The following CADM2 variants were observed in gnomAD, a reference collection of about 807,000 sequenced individuals.
The protein encoded by CADM2 is cell adhesion molecule 2, also known as immunoglobulin superfamily member 4D.
A neutral mutation model predicts 49.8 loss-of-function variants in CADM2; 12 were observed. That is an observed-to-expected ratio of 0.24 (90% CI 0.15 to 0.39). The LOEUF (loss-of-function observed/expected upper bound fraction) is 0.39, where lower values mean the gene tolerates loss of function less well. Among genes scored for constraint, CADM2 ranks in the 10% least tolerant of loss-of-function variants. CADM2 has a pLI of 1.00. For missense variants in CADM2, 378 were observed against 492.3 expected (o/e 0.77, Z 2.20); for synonymous variants, 214 against 175.4 (o/e 1.22, Z -1.74).
At chr3:85,855,580 A>AAAACATATATATAT (rs2075274480) in intron 3 of CADM2, among the ~76,000 whole-genome samples, 1 of 129,564 alleles carries the variant, frequency 7.7e-6, no homozygotes, top group African/African-American at 2.9e-5. Context: ...TATATATATA[A>AAAACATATATATAT]AAAACATATA....
At chr3:85,120,322 C>G (rs2038807561) in intron 1 of CADM2, among the ~76,000 whole-genome samples, 1 of 152,178 alleles carries the variant, frequency 6.6e-6, no homozygotes, top group African/African-American at 2.4e-5. Flanking sequence ...ACCCAGCAAT[C>G]CCACTACTGG....
intron 3 of CADM2, among the ~76,000 whole-genome samples, chr3:85,836,182 GA>G (rs200723252): frequency 4.6e-5 from 7 of 151,138 alleles, no homozygotes; most frequent in East Asian, 2.0e-4. Flanking sequence ...TTCAGGGGAG[GA>G]AAAAAAACCT....
At chr3:85,198,029 T>G (rs1469004794) in intron 1 of CADM2, among the ~76,000 whole-genome samples, 1 of 151,950 alleles carries the variant, frequency 6.6e-6, no homozygotes, top group African/African-American at 2.4e-5. Context: ...TTGCCCTATT[T>G]AGTTACCCAG....
At chr3:85,010,519 A>C (rs528364689) in intron 1 of CADM2, among the ~76,000 whole-genome samples, 149 of 152,318 alleles carry the variant, frequency 9.8e-4, no homozygotes, top group Non-Finnish European at 1.9e-3. Flanking sequence ...TTTGAAGCTG[A>C]AATAAAATAA....
chr3:85,200,015 C>T (rs777827662), intron 1 of CADM2, among the ~76,000 whole-genome samples: 7 of 151,930 alleles, frequency 4.6e-5, no homozygotes, highest in Non-Finnish European at 8.8e-5. Context: ...AGAATGTAGT[C>T]GATGTTACAT....
chr3:85,058,143 T>C (rs748598575), intron 1 of CADM2, among the ~76,000 whole-genome samples: 8 of 152,210 alleles, frequency 5.3e-5, no homozygotes, highest in Non-Finnish European at 1.0e-4. Flanking sequence ...ATGGGAAAAG[T>C]TATTTTACTA....
chr3:85,236,420 A>G (rs1176957220), intron 1 of CADM2, among the ~76,000 whole-genome samples: 1 of 152,064 alleles, frequency 6.6e-6, no homozygotes, highest in Non-Finnish European at 1.5e-5. Context: ...CTTCTTTGCT[A>G]GAGAGTTAAT....
intron 1 of CADM2, among the ~76,000 whole-genome samples, chr3:85,437,059 GT>G (rs35489310): frequency 0.17 from 25,273 of 152,044 alleles, 2,637 homozygotes; most frequent in Non-Finnish European, 0.23. Context: ...TGTCTTTATA[GT>G]TTTGCCTTTT....
chr3:85,440,248 A>G (rs1366585193), intron 1 of CADM2, among the ~76,000 whole-genome samples: 2 of 152,180 alleles, frequency 1.3e-5, no homozygotes, highest in Admixed American at 1.3e-4. Context: ...AGTCATAATT[A>G]GGAAACGTGA....
chr3:84,980,069 A>T (rs1165105350), intron 1 of CADM2, among the ~76,000 whole-genome samples: 1 of 152,206 alleles, frequency 6.6e-6, no homozygotes, highest in Non-Finnish European at 1.5e-5. Context: ...TGGATTTCAT[A>T]ATAACCTTGA....
chr3:86,026,979 T>C (rs1733972376), intron 8 of CADM2, among the ~76,000 whole-genome samples: 1 of 152,088 alleles, frequency 6.6e-6, no homozygotes, highest in South Asian at 2.1e-4. Context: ...AAGGAGAAAA[T>C]GGACTTTGAT....
At chr3:85,987,237 T>C (rs1728222523) in intron 8 of CADM2, among the ~76,000 whole-genome samples, 1 of 152,102 alleles carries the variant, frequency 6.6e-6, no homozygotes, top group South Asian at 2.1e-4. Context: ...TGCTCTCTTC[T>C]ATTTTCTAAG....
chr3:85,055,303 C>G (rs920303770), intron 1 of CADM2, among the ~76,000 whole-genome samples: 4 of 151,970 alleles, frequency 2.6e-5, no homozygotes. Flanking sequence ...GGACATGAAA[C>G]TATTCATGTG....
At chr3:85,344,219 CAA>C (rs544073309) in intron 1 of CADM2, among the ~76,000 whole-genome samples, 1 of 141,110 alleles carries the variant, frequency 7.1e-6, no homozygotes, top group African/African-American at 2.6e-5. Flanking sequence ...ACTAAAAATA[CAA>C]AAAAAAAAAA....
At chr3:84,966,340 A>C (rs1247380676) in intron 1 of CADM2, among the ~76,000 whole-genome samples, 1 of 152,074 alleles carries the variant, frequency 6.6e-6, no homozygotes, top group Non-Finnish European at 1.5e-5. Flanking sequence ...AAGACTGAAG[A>C]ACATCTTTAT....
At chr3:85,879,726 C>A (rs1382683481) in intron 3 of CADM2, among the ~76,000 whole-genome samples, 1 of 152,032 alleles carries the variant, frequency 6.6e-6, no homozygotes, top group African/African-American at 2.4e-5. Flanking sequence ...TCTTGTGTAC[C>A]TTTCACCCAA....
In CADM2 at chr3:85,195,542, GACAC is replaced by G. The variant is rs71108270; in HGVS notation, c.61+235904_61+235907del. ...ATGTGTAAACCATGAAAACCAGCAA[GACAC>G]ACACACACACACACACACACACACA... On this transcript the variant is annotated intron_variant, in intron 1 of 9. Coordinates refer to ENST00000383699, the MANE Select transcript of CADM2 (RefSeq NM_001167675.2). Among the ~76,000 whole-genome samples, 1,293 of 146,802 alleles carry G rather than the reference GACAC, an allele frequency of 8.8e-3. 7 individuals carry two copies. The highest frequency in any genetic ancestry group is 0.014 in the African/African-American group (577 of 39,908).
chr3:85,292,195 C>T (rs2043819082), intron 1 of CADM2, among the ~76,000 whole-genome samples: 1 of 149,158 alleles, frequency 6.7e-6, no homozygotes, highest in Non-Finnish European at 1.5e-5. Flanking sequence ...ACAAAGAAGG[C>T]CATTACATAA....
chr3:85,279,039 A>G (rs1228763227), intron 1 of CADM2, among the ~76,000 whole-genome samples: 3 of 151,502 alleles, frequency 2.0e-5, no homozygotes, highest in Non-Finnish European at 4.4e-5. Flanking sequence ...CAATCCTTCA[A>G]TAAAAGAGAG....
Sources: allele counts gnomAD v4.1 joint callset (sites outside exome capture counted in the v4.1 genomes callset), GRCh38; gene constraint gnomAD v4.1.1; transcripts MANE v1.5; gene names NCBI Gene and HGNC (gene_info 2026-07-23, HGNC 2026-07-21).